The following PSMD10 variants were observed in gnomAD, a reference collection of about 807,000 sequenced individuals.
PSMD10 encodes 26S proteasome non-ATPase regulatory subunit 10.
PSMD10 carries 2 observed loss-of-function variants against 13.2 expected under a neutral mutation model. That is an observed-to-expected ratio of 0.15 (90% CI 0.06 to 0.48). PSMD10 has a LOEUF of 0.48. PSMD10 is among the 20% of genes least tolerant of loss of function. The pLI is 0.97. For synonymous variants in PSMD10, 66 were observed against 64.4 expected (o/e 1.03, Z -0.12); for missense variants, 120 against 167.4 (o/e 0.72, Z 1.56).
chrX:108,085,755 A>T (rs1173335640), intron 4 of PSMD10, among the ~76,000 whole-genome samples: 1 of 111,985 alleles, frequency 8.9e-6, no homozygotes, highest in Non-Finnish European at 1.9e-5. Context: ...TAAACCTCAC[A>T]ATAATCTAGT....
intron 4 of PSMD10, among the ~76,000 whole-genome samples, chrX:108,085,957 A>C (rs1435845676): frequency 4.5e-5 from 5 of 112,182 alleles, no homozygotes; most frequent in African/African-American, 1.6e-4. Flanking sequence ...TCTGACTCCT[A>C]GATTTCCTCT....
rs779996547 is a variant in PSMD10 at position 108,091,429 on chromosome X, G to A, written c.92C>T (p.Ser31Phe). The change falls in exon 1 of 5, where the codon TCC becomes TTC. Residue 31 changes from serine (S) to phenylalanine (F), a missense_variant. Ser to Phe is a radical substitution (Grantham distance 155, BLOSUM62 -2). Transcript: ENST00000217958. ...TACCTGGTCAGTTCTAGTAGCCAGGGATTTATCGGCCAGAATACTCTCCTT... is the reference window on the plus strand; with the variant it reads ...TACCTGGTCAGTTCTAGTAGCCAGGAATTTATCGGCCAGAATACTCTCCTT... ...ELKESILADK[S>F]LATRTDQDSR... is the part of the protein sequence containing the mutation. The A allele has an allele frequency of 6.6e-6, 8 of 1,212,019 alleles. No homozygotes were observed. Among genetic ancestry groups the A allele is most frequent in the South Asian group, 3.5e-5 (2 of 57,035 alleles).
chrX:108,087,439 G>GT (rs1182151095), intron 4 of PSMD10: 1 of 319,206 alleles, frequency 3.1e-6, no homozygotes, highest in African/African-American at 2.6e-5. Flanking sequence ...TAAAAAATAT[G>GT]TATGTATAAA....
intron 4 of PSMD10, among the ~76,000 whole-genome samples, chrX:108,086,000 G>A (rs1470538064): frequency 8.9e-6 from 1 of 111,831 alleles, no homozygotes; most frequent in Non-Finnish European, 1.9e-5. Context: ...ATGGAGAAAA[G>A]AGGTAGGGCA....
chrX:108,088,659 T>A, intron 2 of PSMD10, 93 bp downstream of exon 2: 1 of 694,547 alleles, frequency 1.4e-6, no homozygotes, highest in Non-Finnish European at 2.2e-6. Context: ...TACAATTTTC[T>A]TTATAAGCTT....
chrX:108,088,903 G>GA (rs201894843), intron 1 of PSMD10, 53 bp from the exon 2 acceptor site: 8 of 927,315 alleles, frequency 8.6e-6, no homozygotes, highest in African/African-American at 6.0e-5. Flanking sequence ...AAAAAAGCAA[G>GA]AAAAAAAATA....
chrX:108,088,021 G>C lies in PSMD10; in HGVS notation c.292C>G (p.Gln98Glu). The C allele has an allele frequency of 8.3e-7, 1 of 1,210,465 alleles. No individual in the cohort carries two copies. The highest frequency in any genetic ancestry group is 1.1e-6 in the Non-Finnish European group (1 of 894,566). ...IVKALLGKGA[Q>E]VNAVNQNGCT... ...CCATTTTGATTGACAGCATTCACTT[G>C]AGCACCTTTTCCCAGAAGGGCTTTT... Residue 98 changes from glutamine to glutamate, a missense_variant, in exon 3 of 5, where the codon CAA becomes GAA. Physicochemically the swap from Gln to Glu is conservative, Grantham distance 29 (BLOSUM62 2). Around this residue, in one of 3 missense-constraint regions of PSMD10, gnomAD observed 68 missense variants for 124.8 expected, o/e 0.54. Coordinates refer to ENST00000217958, the MANE Select transcript of PSMD10 (RefSeq NM_002814.4).
chrX:108,090,354 G>C (rs807181), intron 1 of PSMD10, among the ~76,000 whole-genome samples: 55,125 of 110,563 alleles, frequency 0.5, 10,764 homozygotes, highest in African/African-American at 0.68. Context: ...GTCTCTTGAT[G>C]CTGAATAGTT....
At chrX:108,087,612 G>A in intron 4 of PSMD10, 74 bp downstream of exon 4, 1 of 1,126,185 alleles carries the variant, frequency 8.9e-7, no homozygotes, top group South Asian at 2.2e-5. Flanking sequence ...AATAAAAAAA[G>A]AAATGATGTA....
chrX:108,087,425 T>A (rs777332604), intron 4 of PSMD10: 18 of 280,869 alleles, frequency 6.4e-5, no homozygotes, highest in Non-Finnish European at 1.0e-4. Flanking sequence ...GACCCCAATT[T>A]TGCTAAAAAA....
intron 1 of PSMD10, among the ~76,000 whole-genome samples, chrX:108,090,000 G>A (rs996678559): frequency 1.6e-4 from 18 of 111,808 alleles, no homozygotes; most frequent in African/African-American, 5.9e-4. Flanking sequence ...AAAATAGAGG[G>A]AATAGAATAG....
intron 2 of PSMD10, 108 bp downstream of exon 2, chrX:108,088,644 A>T: frequency 1.7e-6 from 1 of 581,840 alleles, no homozygotes; most frequent in East Asian, 3.3e-5. Flanking sequence ...TCCAGTCATA[A>T]AGGTTACAAT....
At position 108,087,849 on chromosome X, in the gene PSMD10, C is replaced by A. The variant is rs749312942; in HGVS notation, c.364G>T (p.Ala122Ser). 8.3e-7 allele frequency: 1 copy of A among 1,210,849 alleles called. No individual in the cohort carries two copies. The highest frequency in any genetic ancestry group is 2.3e-4 in the Middle Eastern group (1 of 4,352). ...GCCCCGCCTTCCAGTAACATGACAG[C>A]GATCTGGAAAGATGGAGAAGAAAGA... ...YAASKNRHEI[A>S]VMLLEGGANP... The change falls in exon 4 of 5, where the codon GCT (alanine) becomes TCT (serine). Residue 122 changes from alanine (A) to serine (S), a missense_variant. Physicochemically the swap from Ala to Ser is moderately conservative, Grantham distance 99. This residue lies in a region of PSMD10 where 68 missense variants were observed against 124.8 expected (regional missense o/e 0.54). Transcript: ENST00000217958.
At chrX:108,089,804 G>A (rs1225640615) in intron 1 of PSMD10, among the ~76,000 whole-genome samples, 1 of 111,595 alleles carries the variant, frequency 9.0e-6, no homozygotes, top group Non-Finnish European at 1.9e-5. Flanking sequence ...CTGCACTCCA[G>A]CCTGGGCAAC....
intron 1 of PSMD10, among the ~76,000 whole-genome samples, chrX:108,090,784 T>G (rs2031588339): frequency 8.9e-6 from 1 of 112,588 alleles, no homozygotes; most frequent in Non-Finnish European, 1.9e-5. Context: ...TACCTCTGCT[T>G]AGAATGTCCA....
At chrX:108,086,339 A>G (rs188901166) in intron 4 of PSMD10, among the ~76,000 whole-genome samples, 316 of 112,535 alleles carry the variant, frequency 2.8e-3, no homozygotes, top group African/African-American at 9.3e-3. Flanking sequence ...ACGTTAAAAT[A>G]ACCTATAATA....
Position 108,085,073 on chromosome X carries a change from T to C in PSMD10, c.582A>G (p.Gln194=), listed in dbSNP as rs754719421. The C allele has an allele frequency of 5.0e-6, 6 of 1,208,362 alleles. No individual in the cohort carries two copies. In the African/African-American group the frequency reaches 8.7e-5, roughly 18 times the overall value. The change falls in exon 5 of 5, where the codon CAA becomes CAG. Residue 194 remains glutamine, a synonymous_variant. Transcript: ENST00000217958. The part of the protein sequence containing the change: ...RVEEAKLLVS[Q]GASIYIENKE... Reference sequence around the variant, plus strand: ...TATTCTCAATGTAAATACTTGCTCCTTGGGACACCAGCAGTTTTGCTTCTT... The same window carrying C: ...TATTCTCAATGTAAATACTTGCTCCCTGGGACACCAGCAGTTTTGCTTCTT...
Position 108,084,947 on chromosome X carries a change from T to C in PSMD10, c.*27A>G. 8.5e-7 allele frequency: 1 copy of C among 1,175,495 alleles called. No homozygotes were observed. Among genetic ancestry groups the C allele is most frequent in the Non-Finnish European group, 1.1e-6 (1 of 877,805 alleles). On this transcript the variant is annotated 3_prime_UTR_variant, in exon 5 of 5. Coordinates refer to ENST00000217958, the MANE Select transcript of PSMD10 (RefSeq NM_002814.4). ...GGACACTGGGGACAACAACACAACA[T>C]ACAAAGTAAGAATAAATCCAAGCTG...
chrX:108,085,664 T>C (rs1049941362), intron 4 of PSMD10, among the ~76,000 whole-genome samples: 12 of 111,451 alleles, frequency 1.1e-4, no homozygotes, highest in African/African-American at 3.9e-4. Flanking sequence ...GTAGACTGAG[T>C]GGAAGAGGGT....
Sources: gnomAD v4.1 joint callset for allele counts (sites outside exome capture counted in the v4.1 genomes callset) on GRCh38, gnomAD v4.1.1 for gene constraint, gnomAD v4.1.1 regional missense constraint, MANE v1.5 for transcripts, NCBI Gene and HGNC (gene_info 2026-07-23, HGNC 2026-07-21) for gene names.